Variants in RARA observed in about 807,000 individuals in gnomAD.
RARA encodes retinoic acid receptor alpha.
Under a neutral mutation model 42.8 loss-of-function variants are expected in RARA, and 5 were observed. The ratio of observed to expected loss-of-function variants is 0.12; its 90% CI spans 0.06 to 0.25. RARA has a LOEUF of 0.25. Ranked by LOEUF, RARA falls within the 10% of genes least tolerant of loss-of-function variation. The pLI is 1.00. For missense variants in RARA, 402 were observed against 628.7 expected, an observed-to-expected ratio of 0.64 and a Z score of 3.86; for synonymous variants, 256 against 259.5, an observed-to-expected ratio of 0.99 and a Z score of 0.13.
chr17:40,325,603 T>C (rs1461851381), intron 1 of RARA, among the ~76,000 whole-genome samples: 5 of 152,228 alleles, frequency 3.3e-5, no homozygotes, highest in African/African-American at 1.2e-4. Flanking sequence ...GGCCAGCTCC[T>C]GGCGGGACAG....
At chr17:40,312,219 T>C (rs2033109204) in intron 1 of RARA, among the ~76,000 whole-genome samples, 1 of 152,176 alleles carries the variant, frequency 6.6e-6, no homozygotes, top group Non-Finnish European at 1.5e-5. Flanking sequence ...TGTCAGAAAT[T>C]GGGAAGGTTT....
At chr17:40,348,728 G>T (rs962218633) in intron 3 of RARA, 2 of 333,738 alleles carry the variant, frequency 6.0e-6, no homozygotes, top group East Asian at 1.0e-4. Context: ...CAGGGCGTAC[G>T]CCTGCTCTGC....
chr17:40,342,993 G>A, intron 2 of RARA: 1 of 1,457,870 alleles, frequency 6.9e-7, no homozygotes, highest in Non-Finnish European at 9.0e-7. Context: ...CACTTAACCC[G>A]TGTTGCCCTT....
At chr17:40,327,911 C>T (rs1260230424) in intron 1 of RARA, among the ~76,000 whole-genome samples, 1 of 152,172 alleles carries the variant, frequency 6.6e-6, no homozygotes, top group Non-Finnish European at 1.5e-5. Flanking sequence ...GTGGGTGGGG[C>T]CCCTGTTCCT....
rs554948620 is a variant in RARA, at chr17:40,332,706, C to T, written c.178+1310C>T. On this transcript the variant is annotated intron_variant, in intron 2 of 8. Transcript: ENST00000254066. The stretch of plus-strand genomic sequence containing the variant: ...TATGTCTGTGTTTCTTTGTGTTCCC[C>T]GCCCTTTATGCCCTGGGGCCAGGGG... Among the ~76,000 whole-genome samples, 113 of 152,354 alleles carry T rather than the reference C, an allele frequency of 7.4e-4. 1 individual carries two copies. The highest frequency in any genetic ancestry group is 3.4e-3 in the Middle Eastern group (1 of 294).
At chr17:40,317,131 G>A (rs2033231665) in intron 1 of RARA, among the ~76,000 whole-genome samples, 1 of 152,240 alleles carries the variant, frequency 6.6e-6, no homozygotes, top group Non-Finnish European at 1.5e-5. Context: ...GGGGTCCGTC[G>A]GACCAGTGGG....
intron 2 of RARA, among the ~76,000 whole-genome samples, chr17:40,336,798 C>T (rs888130579): frequency 2.0e-5 from 3 of 152,088 alleles, no homozygotes; most frequent in Non-Finnish European, 4.4e-5. Flanking sequence ...CGGGCTCAAG[C>T]GATTCTCCTG....
At chr17:40,311,057 C>A (rs1259239935) in intron 1 of RARA, among the ~76,000 whole-genome samples, 1 of 152,120 alleles carries the variant, frequency 6.6e-6, no homozygotes, top group Middle Eastern at 3.4e-3. Flanking sequence ...CCTCTGGGGC[C>A]CCATACTTGC....
intron 2 of RARA, among the ~76,000 whole-genome samples, chr17:40,344,727 G>A (rs2034197276): frequency 6.6e-6 from 1 of 152,202 alleles, no homozygotes; most frequent in Admixed American, 6.5e-5. Context: ...CTGAGCGTGG[G>A]TGTGCATATA....
At position 40,331,143 on chromosome 17, in the gene RARA, C is replaced by T. The variant is rs986390592; in HGVS notation, c.-76C>T. ...CCATCTGGGCCCAGGCCCCATGCCC[C>T]GAGGAGGGGTGGTCTGAAGCCCACC... On this transcript the variant is annotated 5_prime_UTR_variant, in exon 2 of 9. The change creates a premature stop within an existing upstream ORF in the 5' untranslated region. Coordinates refer to ENST00000254066, the MANE Select transcript of RARA (RefSeq NM_000964.4). The T allele has an allele frequency of 2.3e-5, 34 of 1,468,244 alleles. No homozygotes were observed. In the African/African-American group the frequency reaches 2.8e-4, roughly 12 times the overall value. The allele number at this position is 1,468,244 out of a possible 1,614,324, so 91.0% of individuals were successfully genotyped here.
chr17:40,318,515 C>T (rs1567745037), intron 1 of RARA: 2 of 152,240 alleles, frequency 1.3e-5, no homozygotes, highest in South Asian at 4.1e-4. Flanking sequence ...CCATGTCCTG[C>T]CCCAGATTGG....
rs1024653746 is a variant in RARA at position 40,351,790 on chromosome 17, T to A, written c.470-120T>A. ...TGCCTGCCCGTGAACGCGTGCTGTG[T>A]GCGCGTGCTTACAAGCCTGGGTGAC... On this transcript the variant is annotated intron_variant, in intron 4 of 8. Coordinates refer to ENST00000254066, the MANE Select transcript of RARA (RefSeq NM_000964.4). The surrounding 1 kb of genome is among the most constrained non-coding windows in gnomAD (Gnocchi z 4.1). 7.5e-7 allele frequency: 1 copy of A among 1,325,878 alleles called. No individual in the cohort carries two copies. Among genetic ancestry groups the A allele is most frequent in the East Asian group, 2.5e-5 (1 of 40,054 alleles). 82.1% of individuals were successfully genotyped at this position (1,325,878 alleles called of 1,614,324 possible). A position where few individuals can be genotyped will look rare whatever the true frequency, so the allele number is the denominator to read the frequency against.
intron 1 of RARA, among the ~76,000 whole-genome samples, chr17:40,316,816 G>A (rs780988018): frequency 6.6e-6 from 1 of 152,134 alleles, no homozygotes; most frequent in Non-Finnish European, 1.5e-5. Flanking sequence ...GGACAGGGCG[G>A]GAGGGGCTGG....
Position 40,354,161 on chromosome 17 carries a change from A to G in RARA, c.808-141A>G. 1.3e-6 allele frequency: 1 copy of G among 747,296 alleles called. No homozygotes were observed. Among genetic ancestry groups the G allele is most frequent in the Non-Finnish European group, 2.2e-6 (1 of 449,732 alleles). 46.3% of individuals were successfully genotyped at this position (747,296 alleles called of 1,614,324 possible). ...GGTGCAGACGTAGAACCTTTCCATC[A>G]TTGTAGAAAATTCTATCAGACAGCA... On this transcript the variant is annotated intron_variant, in intron 6 of 8. Transcript: ENST00000254066. This position sits in a 1 kb window ranked among gnomAD's most constrained non-coding sequence, Gnocchi z 4.5.
Position 40,355,311 on chromosome 17 carries a change from C to T in RARA, c.1061C>T (p.Pro354Leu). Residue 354 changes from proline (P) to leucine (L), a missense_variant, in exon 8 of 9, where the codon CCG becomes CTG. Physicochemically the swap from Pro to Leu is moderately conservative, Grantham distance 98. Transcript: ENST00000254066. The surrounding 1 kb of genome is among the most constrained non-coding windows in gnomAD (Gnocchi z 4.1). ...QPDRVDMLQE[P>L]LLEALKVYVR... ...GACCGGGTGGACATGCTGCAGGAGC[C>T]GCTGCTGGAGGCGCTAAAGGTCTAC... The T allele has an allele frequency of 1.2e-6, 2 of 1,605,942 alleles. No individual in the cohort carries two copies. Among genetic ancestry groups the T allele is most frequent in the Non-Finnish European group, 1.7e-6 (2 of 1,176,052 alleles).
chr17:40,352,020 G>A lies in RARA; in HGVS notation c.580G>A (p.Ala194Thr), dbSNP rs1180532434. ...GGAGCTCATTGAGAAGGTGCGCAAA[G>A]CGCACCAGGAAACCTTCCCTGCCCT... ...VGELIEKVRK[A>T]HQETFPALCQ... is the part of the protein sequence containing the mutation. The change falls in exon 5 of 9, where the codon GCG becomes ACG. Residue 194 changes from alanine (A) to threonine (T), a missense_variant. Transcript: ENST00000254066. The surrounding 1 kb of genome is among the most constrained non-coding windows in gnomAD (Gnocchi z 4.9). The A allele has an allele frequency of 1.3e-6, 2 of 1,589,606 alleles. No homozygotes were observed. The highest frequency in any genetic ancestry group is 1.7e-6 in the Non-Finnish European group (2 of 1,172,772).
In RARA at chr17:40,354,776, C is replaced by G. The variant is rs915862220; in HGVS notation, c.1012+270C>G. ...CCGATGCATGACCCTGAGCAGGTTGCTGAACTTCTCTGGGCCTCCGTTTCT... is the reference window on the plus strand; with the variant it reads ...CCGATGCATGACCCTGAGCAGGTTGGTGAACTTCTCTGGGCCTCCGTTTCT... On this transcript the variant is annotated intron_variant, in intron 7 of 8. Transcript: ENST00000254066. This position sits in a 1 kb window ranked among gnomAD's most constrained non-coding sequence, Gnocchi z 4.5. Among the ~76,000 whole-genome samples, 1 of 152,210 alleles carries G rather than the reference C, an allele frequency of 6.6e-6. No individual in the cohort carries two copies. The highest frequency in any genetic ancestry group is 1.5e-5 in the Non-Finnish European group (1 of 68,046).
chr17:40,316,787 T>C (rs1238680042), intron 1 of RARA, among the ~76,000 whole-genome samples: 1 of 147,934 alleles, frequency 6.8e-6, no homozygotes, highest in Non-Finnish European at 1.5e-5. Context: ...GAGCGCATGT[T>C]TGCGGATGAA....
chr17:40,341,886 C>G (rs967608946), intron 2 of RARA: 3 of 1,039,682 alleles, frequency 2.9e-6, no homozygotes, highest in Non-Finnish European at 3.7e-6. Context: ...GCAGCCCCCT[C>G]CTCTCCCTGT....
Sources: allele counts gnomAD v4.1 joint callset (sites outside exome capture counted in the v4.1 genomes callset), GRCh38; gene constraint gnomAD v4.1.1; non-coding constraint Gnocchi (gnomAD v3.1); transcripts MANE v1.5; gene names NCBI Gene and HGNC (gene_info 2026-07-23, HGNC 2026-07-21).